MYH7: variants seen among roughly 807,000 people sequenced by gnomAD.
The protein encoded by MYH7 is myosin-7.
Under a neutral mutation model 225.4 loss-of-function variants are expected in MYH7, and 129 were observed. That is an observed-to-expected ratio of 0.57 (90% CI 0.50 to 0.66). The LOEUF is 0.66. MYH7 is among the 30% of genes least tolerant of loss of function. The pLI is 0.00. For synonymous variants in MYH7, 971 were observed against 1,007.6 expected, an observed-to-expected ratio of 0.96 and a Z score of 0.69; for missense variants, 1,649 against 2,517.0, an observed-to-expected ratio of 0.66 and a Z score of 7.38.
intron 15 of MYH7, 96 bp from the exon 16 acceptor site, chr14:23,427,990 G>T: frequency 1.3e-6 from 2 of 1,499,108 alleles, no homozygotes; most frequent in South Asian, 1.2e-5. Flanking sequence ...GAGGTGCCAT[G>T]TTGGGTGTTA....
chr14:23,430,836 G>T, intron 10 of MYH7, 65 bp downstream of exon 10: 1 of 1,390,450 alleles, frequency 7.2e-7, no homozygotes, highest in Non-Finnish European at 1.0e-6. Flanking sequence ...GCTGAGTCCA[G>T]CCACAAGCAG....
In MYH7 at chr14:23,415,481, T is replaced by A; in HGVS notation, c.5183A>T (p.Lys1728Met). The change falls in exon 36 of 40, where the codon AAG (lysine) becomes ATG (methionine). Residue 1728 changes from lysine (K) to methionine (M), a missense_variant. Lys to Met is a moderately conservative substitution (Grantham distance 95, BLOSUM62 -1). Transcript: ENST00000355349. This position sits in a 1 kb window ranked among gnomAD's most constrained non-coding sequence, Gnocchi z 6.3. ...CTGGGACAGGTCAGCATCCATCTTC[T>A]TCTTCTGGTTGATGAGGCTGGTGTT... ...SQNTSLINQK[K>M]KMDADLSQLQ... The A allele has an allele frequency of 1.2e-6, 2 of 1,614,242 alleles. No homozygotes were observed. The highest frequency in any genetic ancestry group is 1.7e-6 in the Non-Finnish European group (2 of 1,180,042).
chr14:23,419,315 G>T lies in MYH7; in HGVS notation c.3854-20C>A. On this transcript the variant is annotated intron_variant, in intron 28 of 39. Transcript: ENST00000355349. ...GCTCACCTGGGGAAGCACCATTCTA[G>T]ATCAGCACTCCTCTCTATCCCCACC... 2 of 1,613,816 alleles carry T rather than the reference G, an allele frequency of 1.2e-6. No individual in the cohort carries two copies. Among genetic ancestry groups the T allele is most frequent in the Non-Finnish European group, 1.7e-6 (2 of 1,179,756 alleles).
rs1454914644 is a variant in MYH7 at position 23,431,777 on chromosome 14, T to A, written c.623A>T (p.Asp208Val). 1.2e-6 allele frequency: 2 copies of A among 1,614,258 alleles called. No individual in the cohort carries two copies. The highest frequency in any genetic ancestry group is 2.2e-5 in the East Asian group (1 of 44,884). Residue 208 changes from aspartate to valine, a missense_variant, in exon 7 of 40, where the codon GAC (aspartate) becomes GTC (valine). Transcript: ENST00000355349. ...CAGGCCTACCTTGCCCGGGCTCTGGTCCTTCTTGCTGCGGTCCCCAATGGC... is the reference window on the plus strand; with the variant it reads ...CAGGCCTACCTTGCCCGGGCTCTGGACCTTCTTGCTGCGGTCCCCAATGGC... ...IAAIGDRSKK[D>V]QSPGKGTLED...
At chr14:23,432,970 G>A (rs1893009365) in intron 4 of MYH7, 114 bp downstream of exon 4, 9 of 1,538,704 alleles carry the variant, frequency 5.8e-6, no homozygotes, top group East Asian at 4.6e-5. Context: ...ATGTTGGGAC[G>A]AGGTTAGAGT....
rs199912646 is a variant in MYH7 at position 23,417,483 on chromosome 14, G to A, written c.4353+20C>T. The A allele has an allele frequency of 4.0e-5, 64 of 1,612,202 alleles. No homozygotes were observed. Among genetic ancestry groups the A allele is most frequent in the Admixed American group, 3.8e-4 (23 of 60,018 alleles). ...CCCCCTTGCCCTGCATGCTGGCTGC[G>A]GCCCCCACCCAGGGCCCACCTTGTC... On this transcript the variant is annotated intron_variant, in intron 31 of 39. Transcript: ENST00000355349.
intron 24 of MYH7, among the ~76,000 whole-genome samples, chr14:23,422,749 G>A (rs1381608486): frequency 6.6e-6 from 1 of 150,428 alleles, no homozygotes; most frequent in African/African-American, 2.4e-5. Flanking sequence ...TTCTGCCTCA[G>A]CCTCCTGAGT....
chr14:23,433,526 A>T lies in MYH7; in HGVS notation c.201+6T>A. ...GGGTGGACTCTCACATCAGCCTGACACCCACCTTGCCATACTCGGTCTCGG... is the reference window on the plus strand; with the variant it reads ...GGGTGGACTCTCACATCAGCCTGACTCCCACCTTGCCATACTCGGTCTCGG... On this transcript the variant is annotated splice_donor_region_variant and intron_variant, in intron 3 of 39. Transcript: ENST00000355349. The surrounding 1 kb of genome is among the most constrained non-coding windows in gnomAD (Gnocchi z 4.1). 1 of 1,613,690 alleles carries T rather than the reference A, an allele frequency of 6.2e-7. No homozygotes were observed. Among genetic ancestry groups the T allele is most frequent in the Non-Finnish European group, 8.5e-7 (1 of 1,179,974 alleles).
In MYH7 at chr14:23,420,325, G is replaced by A. The variant is rs72488271; in HGVS notation, c.3337-91C>T. The A allele has an allele frequency of 1.7e-3, 2,622 of 1,547,542 alleles. 32 individuals carry two copies. The highest frequency in any genetic ancestry group is 7.7e-3 in the East Asian group (316 of 41,238). On this transcript the variant is annotated intron_variant, in intron 26 of 39. Transcript: ENST00000355349. ...AAAGGCTCTCGGCTTCTCTGGAACA[G>A]CAAGTCAGTTTAGCTCTTCCAGTGG...
chr14:23,421,397 G>C (rs1217761794), intron 25 of MYH7, among the ~76,000 whole-genome samples: 1 of 152,104 alleles, frequency 6.6e-6, no homozygotes, highest in Non-Finnish European at 1.5e-5. Context: ...TATTGCTTTG[G>C]GTAACTCAGC....
At position 23,425,743 on chromosome 14, in the gene MYH7, G is replaced by A. The variant is rs768399986; in HGVS notation, c.2238C>T (p.Leu746=). The stretch of plus-strand genomic sequence containing the variant: ...GGTTGTGATCAATGTCCAGGGAGCT[G>A]AGCAGCTTCTCTGCCCCCTTCCTGC... ...IDSRKGAEKL[L]SSLDIDHNQY... Residue 746 remains leucine (L), a synonymous_variant, in exon 20 of 40, where the codon CTC becomes CTT. Coordinates refer to ENST00000355349, the MANE Select transcript of MYH7 (RefSeq NM_000257.4). This position sits in a 1 kb window ranked among gnomAD's most constrained non-coding sequence, Gnocchi z 4.6. The A allele has an allele frequency of 1.2e-6, 2 of 1,613,880 alleles. No individual in the cohort carries two copies. The highest frequency in any genetic ancestry group is 1.3e-5 in the African/African-American group (1 of 74,920).
rs1566528546 is a variant in MYH7, at chr14:23,421,058, AG to A, written c.3246-11del. 2.5e-6 allele frequency: 4 copies of A among 1,611,894 alleles called. No homozygotes were observed. The South Asian group carries it at 4.4e-5, about 18-fold the overall frequency. On this transcript the variant is annotated splice_polypyrimidine_tract_variant and intron_variant, in intron 25 of 39. Coordinates refer to ENST00000355349, the MANE Select transcript of MYH7 (RefSeq NM_000257.4). ...CAGCTCAAAGTCTTTTCTGTGGGGA[AG>A]GAGGGATGGTGAGGTAAGGGAGACT...
In MYH7 at chr14:23,425,668, TTTAA is replaced by T; in HGVS notation, c.2286+23_2286+26del. On this transcript the variant is annotated intron_variant, in intron 20 of 39. Transcript: ENST00000355349. The surrounding 1 kb of genome is among the most constrained non-coding windows in gnomAD (Gnocchi z 4.6). ...AGTCAATGGAAAAGAGATGTCTTCC[TTTAA>T]TTAATTAGTCTCCTTTCCTCACCTT... The T allele has an allele frequency of 6.2e-7, 1 of 1,613,956 alleles. No individual in the cohort carries two copies.
intron 25 of MYH7, among the ~76,000 whole-genome samples, chr14:23,421,959 A>G (rs955681459): frequency 2.6e-5 from 4 of 152,218 alleles, no homozygotes; most frequent in African/African-American, 9.6e-5. Flanking sequence ...GAAAGGACTC[A>G]TGGGATACAA....
At chr14:23,426,664 GA>G (rs1348624080) in intron 18 of MYH7, 112 bp downstream of exon 18, 28 of 975,210 alleles carry the variant, frequency 2.9e-5, no homozygotes, top group Middle Eastern at 5.6e-4. Flanking sequence ...GATGGGAGGA[GA>G]AGAATGTGGT....
Position 23,433,641 on chromosome 14 carries a change from A to G in MYH7, c.92T>C (p.Phe31Ser), listed in dbSNP as rs1893038174. The part of the protein sequence containing the change: ...KERLEAQTRP[F>S]DLKKDVFVPD... Reference sequence around the variant, plus strand: ...CACGAAGACATCCTTCTTGAGGTCAAAAGGCCTGGTCTGCGCTTCTAGCCG... The same window carrying G: ...CACGAAGACATCCTTCTTGAGGTCAGAAGGCCTGGTCTGCGCTTCTAGCCG... The change falls in exon 3 of 40, where the codon TTT becomes TCT. Residue 31 changes from phenylalanine to serine, a missense_variant. Physicochemically the swap from Phe to Ser is radical, Grantham distance 155. Transcript: ENST00000355349. This position sits in a 1 kb window ranked among gnomAD's most constrained non-coding sequence, Gnocchi z 4.1. 6.2e-7 allele frequency: 1 copy of G among 1,614,146 alleles called. No homozygotes were observed. The highest frequency in any genetic ancestry group is 8.5e-7 in the Non-Finnish European group (1 of 1,180,052).
At position 23,429,899 on chromosome 14, in the gene MYH7, C is replaced by A. The variant is rs942430711; in HGVS notation, c.1014G>T (p.Val338=). 6.2e-7 allele frequency: 1 copy of A among 1,614,040 alleles called. No homozygotes were observed. Among genetic ancestry groups the A allele is most frequent in the Non-Finnish European group, 8.5e-7 (1 of 1,180,010 alleles). Residue 338 remains valine (V), a synonymous_variant, in exon 12 of 40, where the codon GTG becomes GTT. Transcript: ENST00000355349. ...TTTTCTCCTCTGAAGTGAAGCCCAG[C>A]ACATCAAAAGCGTTCTGTAGGGAGG... is the stretch of plus-strand genomic sequence containing the variant. ...ELMATDNAFD[V]LGFTSEEKNS... is the part of the protein sequence containing the mutation.
chr14:23,430,046 G>T, intron 11 of MYH7, 133 bp from the exon 12 acceptor site: 5 of 1,056,282 alleles, frequency 4.7e-6, no homozygotes, highest in Non-Finnish European at 7.1e-6. Flanking sequence ...CCAGTGGGGA[G>T]CTCCAAAACA....
At position 23,428,382 on chromosome 14, in the gene MYH7, G is replaced by A. The variant is rs941430845; in HGVS notation, c.1578+118C>T. Reference sequence around the variant, plus strand: ...ACATAGGCTCTGGAACCAAGGGCTCGGATCCTTCAGCCCCTTCTATTTTTA... The same window carrying A: ...ACATAGGCTCTGGAACCAAGGGCTCAGATCCTTCAGCCCCTTCTATTTTTA... On this transcript the variant is annotated intron_variant, in intron 15 of 39. Coordinates refer to ENST00000355349, the MANE Select transcript of MYH7 (RefSeq NM_000257.4). The A allele has an allele frequency of 3.2e-5, 48 of 1,523,310 alleles. No individual in the cohort carries two copies. In the Admixed American group the frequency reaches 4.6e-4, roughly 15 times the overall value. The allele number at this position is 1,523,310 out of a possible 1,614,324, so 94.4% of individuals were successfully genotyped here.
Sources: allele counts gnomAD v4.1 joint callset (sites outside exome capture counted in the v4.1 genomes callset), GRCh38; gene constraint gnomAD v4.1.1; non-coding constraint Gnocchi (gnomAD v3.1); transcripts MANE v1.5; gene names NCBI Gene and HGNC (gene_info 2026-07-23, HGNC 2026-07-21).